LRRC8A: variants seen among roughly 807,000 people sequenced by gnomAD.
LRRC8A encodes volume-regulated anion channel subunit LRRC8A.
A neutral mutation model predicts 52.5 loss-of-function variants in LRRC8A; 24 were observed. The observed-to-expected ratio is 0.46, with a 90% CI of 0.33 to 0.64. LRRC8A has a LOEUF of 0.64. Ranked by LOEUF, LRRC8A falls within the 30% of genes least tolerant of loss-of-function variation. The pLI is 0.02. For synonymous variants in LRRC8A, 492 were observed against 494.2 expected (o/e 1.00, Z 0.06); for missense variants, 677 against 1,094.7 (o/e 0.62, Z 5.38).
At chr9:128,882,487 C>G (rs1839104311) in intron 1 of LRRC8A, 1 of 385,768 alleles carries the variant, frequency 2.6e-6, no homozygotes, top group African/African-American at 2.1e-5. Flanking sequence ...CTCCCAGGCA[C>G]CCCTGTGCCT....
chr9:128,900,580 C>T (rs1235351776), intron 2 of LRRC8A, among the ~76,000 whole-genome samples: 1 of 151,686 alleles, frequency 6.6e-6, no homozygotes, highest in Admixed American at 6.6e-5. Context: ...TGGTGGTGGG[C>T]GCCTATAATC....
At chr9:128,901,200 C>T (rs995580742) in intron 2 of LRRC8A, among the ~76,000 whole-genome samples, 8 of 151,700 alleles carry the variant, frequency 5.3e-5, no homozygotes, top group East Asian at 1.9e-4. Flanking sequence ...CACAGTGGCT[C>T]ATGCCTGTAA....
intron 2 of LRRC8A, among the ~76,000 whole-genome samples, chr9:128,888,933 G>A (rs1839501263): frequency 6.6e-6 from 1 of 152,036 alleles, no homozygotes; most frequent in African/African-American, 2.4e-5. Context: ...CATAGTCCGT[G>A]GTCATTCTCA....
intron 1 of LRRC8A, 76 bp downstream of exon 1, chr9:128,882,326 G>C (rs1839075967): frequency 5.8e-6 from 1 of 171,136 alleles, no homozygotes; most frequent in African/African-American, 2.4e-5. Context: ...TCGGCCAGCT[G>C]CCCGGCCCGG....
chr9:128,887,394 G>A (rs567959278), intron 2 of LRRC8A, among the ~76,000 whole-genome samples: 8 of 152,024 alleles, frequency 5.3e-5, no homozygotes, highest in Non-Finnish European at 1.2e-4. Context: ...GAACTCCTGG[G>A]TTCAAGAGAT....
intron 2 of LRRC8A, among the ~76,000 whole-genome samples, chr9:128,904,083 A>T (rs1840140585): frequency 6.6e-6 from 1 of 152,116 alleles, no homozygotes; most frequent in Admixed American, 6.6e-5. Context: ...ATCAGTAATC[A>T]AAGAAAGGTG....
In LRRC8A at chr9:128,902,561, C is replaced by T. The variant is rs1204316622; in HGVS notation, c.-8-4596C>T. ...ACCACATCCTGCCCGCTCAAACAGC[C>T]GCGCCCGCCCTGGCTGTCTCATTCC... On this transcript the variant is annotated intron_variant, in intron 2 of 3. Coordinates refer to ENST00000372600, the MANE Select transcript of LRRC8A (RefSeq NM_019594.4). The surrounding 1 kb of genome is among the most constrained non-coding windows in gnomAD (Gnocchi z 4.1). Among the ~76,000 whole-genome samples, 1 of 152,200 alleles carries T rather than the reference C, an allele frequency of 6.6e-6. No homozygotes were observed. The highest frequency in any genetic ancestry group is 1.5e-5 in the Non-Finnish European group (1 of 68,026).
At position 128,916,009 on chromosome 9, in the gene LRRC8A, G is replaced by C; in HGVS notation, c.2158-87G>C. 1 of 1,469,374 alleles carries C rather than the reference G, an allele frequency of 6.8e-7. No individual in the cohort carries two copies. Among genetic ancestry groups the C allele is most frequent in the Non-Finnish European group, 9.2e-7 (1 of 1,087,466 alleles). The allele number at this position is 1,469,374 out of a possible 1,614,324, so 91.0% of individuals were successfully genotyped here. ...GCCTGGGGATCAGAAAAGATGCTGA[G>C]ATCTTGGGGAGAGAGGGAAGGGAAG... On this transcript the variant is annotated intron_variant, in intron 3 of 3. Coordinates refer to ENST00000372600, the MANE Select transcript of LRRC8A (RefSeq NM_019594.4). The surrounding 1 kb of genome is among the most constrained non-coding windows in gnomAD (Gnocchi z 6.1).
rs748930999 is a variant in LRRC8A at position 128,908,173 on chromosome 9, A to G, written c.1009A>G (p.Met337Val). 4 of 1,614,004 alleles carry G rather than the reference A, an allele frequency of 2.5e-6. No individual in the cohort carries two copies. In the Admixed American group the frequency reaches 6.7e-5, roughly 27 times the overall value. Reference protein sequence around the residue: ...SLVIFYGLICMYTLWWMLRRS... With the variant: ...SLVIFYGLICVYTLWWMLRRS... ...AGTCATCTTCTACGGCCTCATCTGCATGTATACACTGTGGTGGATGCTACG... is the reference window on the plus strand; with the variant it reads ...AGTCATCTTCTACGGCCTCATCTGCGTGTATACACTGTGGTGGATGCTACG... Residue 337 changes from methionine (M) to valine (V), a missense_variant, in exon 3 of 4, where the codon ATG becomes GTG. Coordinates refer to ENST00000372600, the MANE Select transcript of LRRC8A (RefSeq NM_019594.4).
In LRRC8A at chr9:128,884,539, A is replaced by C. The variant is rs1588191716; in HGVS notation, c.-115-1476A>C. ...CCAGAAGACACATAAGTTCTGATATACTGTGGCCACCATATTAATAGAAAT... is the reference window on the plus strand; with the variant it reads ...CCAGAAGACACATAAGTTCTGATATCCTGTGGCCACCATATTAATAGAAAT... On this transcript the variant is annotated intron_variant, in intron 1 of 3. Transcript: ENST00000372600. Among the ~76,000 whole-genome samples, 3 of 152,180 alleles carry C rather than the reference A, an allele frequency of 2.0e-5. No individual in the cohort carries two copies. The East Asian group carries it at 5.8e-4, about 29-fold the overall frequency.
intron 3 of LRRC8A, among the ~76,000 whole-genome samples, chr9:128,909,547 T>A (rs1052190629): frequency 6.6e-6 from 1 of 152,228 alleles, no homozygotes; most frequent in Non-Finnish European, 1.5e-5. Flanking sequence ...GCCCCGGGCC[T>A]GTCTTTGCTC....
Position 128,908,817 on chromosome 9 carries a change from C to G in LRRC8A, c.1653C>G (p.Leu551=), listed in dbSNP as rs779612472. ...RELKRLKVLR[L]KSNLSKLPQV... ...TCAAACGCCTCAAGGTGCTGCGGCTCAAGAGCAACCTAAGCAAGCTGCCAC... is the reference window on the plus strand; with the variant it reads ...TCAAACGCCTCAAGGTGCTGCGGCTGAAGAGCAACCTAAGCAAGCTGCCAC... The change falls in exon 3 of 4, where the codon CTC becomes CTG. Residue 551 remains leucine, a synonymous_variant. Transcript: ENST00000372600. The G allele has an allele frequency of 1.2e-6, 2 of 1,613,600 alleles. No homozygotes were observed. Among genetic ancestry groups the G allele is most frequent in the Non-Finnish European group, 1.7e-6 (2 of 1,180,020 alleles).
chr9:128,908,762 GC>G lies in LRRC8A; in HGVS notation c.1599del (p.Tyr534ThrfsTer22). 6.2e-7 allele frequency: 1 copy of G among 1,613,296 alleles called. No individual in the cohort carries two copies. Among genetic ancestry groups the G allele is most frequent in the Non-Finnish European group, 8.5e-7 (1 of 1,180,048 alleles). On this transcript the variant is annotated frameshift_variant, in exon 3 of 4. Coordinates refer to ENST00000372600, the MANE Select transcript of LRRC8A (RefSeq NM_019594.4). LOFTEE classifies it high-confidence loss of function. ...GGCAACCTGAGCGCGGAGAACAACC[GC>G]TACATCGTCATCGACGGGCTGCGGG... ...LTGNLSAENNRYIVIDGLREL... is the reference protein window; with the variant it reads ...LTGNLSAENNXYIVIDGLREL...
chr9:128,882,147 G>T lies in LRRC8A; in HGVS notation c.-219G>T. 6.6e-6 allele frequency: 1 copy of T among 152,542 alleles called. No homozygotes were observed. Among genetic ancestry groups the T allele is most frequent in the South Asian group, 2.0e-4 (1 of 4,928 alleles). The allele number at this position is 152,542 out of a possible 1,614,324, so 9.4% of individuals were successfully genotyped here. A position where few individuals can be genotyped will look rare whatever the true frequency, so the allele number is the denominator to read the frequency against. ...CGGAGGAGGCTGAGTGGTGCAGTGA[G>T]GGACAAACAAAAGGAGGCGCCGGAG... On this transcript the variant is annotated 5_prime_UTR_variant, in exon 1 of 4. It adds an upstream start codon to the 5' untranslated region. Coordinates refer to ENST00000372600, the MANE Select transcript of LRRC8A (RefSeq NM_019594.4).
rs1461629345 is a variant in LRRC8A, at chr9:128,902,665, C to T, written c.-8-4492C>T. Among the ~76,000 whole-genome samples the T allele has an allele frequency of 6.6e-6, 1 of 152,172 alleles. No individual in the cohort carries two copies. The highest frequency in any genetic ancestry group is 1.5e-5 in the Non-Finnish European group (1 of 68,026). On this transcript the variant is annotated intron_variant, in intron 2 of 3. Transcript: ENST00000372600. The surrounding 1 kb of genome is among the most constrained non-coding windows in gnomAD (Gnocchi z 4.1). ...CTGTTCCCCAGTCTTTAGGTCCTGGCCCTGGATGGGGACTCCAGGTGTCCA... is the reference window on the plus strand; with the variant it reads ...CTGTTCCCCAGTCTTTAGGTCCTGGTCCTGGATGGGGACTCCAGGTGTCCA...
At chr9:128,904,813 T>A (rs902698856) in intron 2 of LRRC8A, among the ~76,000 whole-genome samples, 2 of 151,062 alleles carry the variant, frequency 1.3e-5, no homozygotes, top group Non-Finnish European at 2.9e-5. Context: ...GCTAACACGG[T>A]GAAACCCCGT....
intron 1 of LRRC8A, chr9:128,882,833 T>C (rs1839149332): frequency 5.0e-6 from 2 of 398,564 alleles, no homozygotes; most frequent in South Asian, 2.5e-4. Flanking sequence ...ACCCAGACCC[T>C]GTCCCAGTCC....
At chr9:128,910,913 C>T (rs1840491385) in intron 3 of LRRC8A, among the ~76,000 whole-genome samples, 2 of 152,200 alleles carry the variant, frequency 1.3e-5, no homozygotes, top group Non-Finnish European at 2.9e-5. Context: ...GGTGCATCTG[C>T]CATGCAGCAG....
At chr9:128,890,130 TTGTGTG>T (rs57721007) in intron 2 of LRRC8A, among the ~76,000 whole-genome samples, 82 of 128,302 alleles carry the variant, frequency 6.4e-4, no homozygotes, top group South Asian at 2.1e-3. Context: ...TGGCTTCATT[TTGTGTG>T]TGTGTGTGTG....
Sources: gnomAD v4.1 joint callset for allele counts (sites outside exome capture counted in the v4.1 genomes callset) on GRCh38, gnomAD v4.1.1 for gene constraint, Gnocchi (gnomAD v3.1) non-coding constraint, MANE v1.5 for transcripts, NCBI Gene and HGNC (gene_info 2026-07-23, HGNC 2026-07-21) for gene names.